The following BTBD9 variants were observed in gnomAD, a reference collection of about 807,000 sequenced individuals.
BTBD9 encodes BTB domain containing 9, also known as BTB/POZ domain-containing protein 9.
In BTBD9, 49 loss-of-function variants were observed where a neutral mutation model predicts 64.3. The observed-to-expected ratio is 0.76, with a 90% CI of 0.61 to 0.97. The LOEUF (loss-of-function observed/expected upper bound fraction) is 0.97. Among genes scored for constraint, BTBD9 ranks in the 50% least tolerant of loss-of-function variants. BTBD9 has a pLI of 0.00. For synonymous variants in BTBD9, 260 were observed against 274.7 expected, an observed-to-expected ratio of 0.95 and a Z score of 0.53; for missense variants, 598 against 762.1, an observed-to-expected ratio of 0.78 and a Z score of 2.53.
intron 7 of BTBD9, among the ~76,000 whole-genome samples, chr6:38,320,450 T>C (rs1231258052): frequency 6.6e-6 from 1 of 152,222 alleles, no homozygotes. Flanking sequence ...TAACTCTCTT[T>C]CCATCATATC....
At chr6:38,474,042 C>A (rs996409968) in intron 6 of BTBD9, among the ~76,000 whole-genome samples, 29 of 152,166 alleles carry the variant, frequency 1.9e-4, no homozygotes, top group African/African-American at 6.8e-4. Context: ...ATGGGCAGTA[C>A]AGTGGCCTTG....
At chr6:38,528,832 C>T (rs1394558129) in intron 6 of BTBD9, among the ~76,000 whole-genome samples, 2 of 152,160 alleles carry the variant, frequency 1.3e-5, no homozygotes, top group Non-Finnish European at 2.9e-5. Context: ...GTGCTGGCTT[C>T]AGGTGTGTGA....
At chr6:38,294,866 G>A (rs1238072715) in intron 7 of BTBD9, among the ~76,000 whole-genome samples, 1 of 149,214 alleles carries the variant, frequency 6.7e-6, no homozygotes, top group African/African-American at 2.5e-5. Flanking sequence ...TCAACTAATT[G>A]CTCCACATCC....
intron 6 of BTBD9, among the ~76,000 whole-genome samples, chr6:38,428,813 C>T (rs904933184): frequency 1.1e-4 from 16 of 150,856 alleles, no homozygotes; most frequent in African/African-American, 2.7e-4. Context: ...CCCGGATTCA[C>T]GCCATTCTCC....
At chr6:38,434,552 A>G (rs1448737560) in intron 6 of BTBD9, among the ~76,000 whole-genome samples, 3 of 151,878 alleles carry the variant, frequency 2.0e-5, no homozygotes, top group Non-Finnish European at 4.4e-5. Flanking sequence ...ATAAAAAACC[A>G]AACTGCACCT....
At chr6:38,470,331 T>C (rs1675546202) in intron 6 of BTBD9, among the ~76,000 whole-genome samples, 1 of 152,204 alleles carries the variant, frequency 6.6e-6, no homozygotes, top group Non-Finnish European at 1.5e-5. Context: ...CAGGCCTGTG[T>C]ATGCACTGGC....
chr6:38,416,670 G>C (rs964018117), intron 6 of BTBD9, among the ~76,000 whole-genome samples: 1 of 151,472 alleles, frequency 6.6e-6, no homozygotes, highest in Non-Finnish European at 1.5e-5. Context: ...ACATTGCCTG[G>C]AGCCACTCTC....
At chr6:38,513,717 G>T (rs755427722) in intron 6 of BTBD9, among the ~76,000 whole-genome samples, 1 of 152,124 alleles carries the variant, frequency 6.6e-6, no homozygotes, top group African/African-American at 2.4e-5. Context: ...CAGAGGTGGG[G>T]TAGACAAGCA....
At chr6:38,321,822 TACACACAC>T (rs3047757) in intron 7 of BTBD9, among the ~76,000 whole-genome samples, 1 of 149,798 alleles carries the variant, frequency 6.7e-6, no homozygotes, top group Non-Finnish European at 1.5e-5. Context: ...TCTTGTTTTA[TACACACAC>T]ACACACACAC....
chr6:38,479,790 G>A (rs531147317), intron 6 of BTBD9, among the ~76,000 whole-genome samples: 145 of 152,262 alleles, frequency 9.5e-4, no homozygotes, highest in Non-Finnish European at 1.6e-3. Context: ...GTGCAGTGGC[G>A]TGATCTCGGC....
chr6:38,516,907 C>A (rs1773053156), intron 6 of BTBD9, among the ~76,000 whole-genome samples: 1 of 152,232 alleles, frequency 6.6e-6, no homozygotes, highest in African/African-American at 2.4e-5. Flanking sequence ...CAACTCAACA[C>A]AATTTGCTCA....
intron 7 of BTBD9, among the ~76,000 whole-genome samples, chr6:38,312,276 GTTGT>G (rs371262411): frequency 1.9e-4 from 29 of 152,272 alleles, no homozygotes; most frequent in African/African-American, 5.8e-4. Context: ...TCCCTATAGA[GTTGT>G]TTGAGTTCCT....
intron 4 of BTBD9, among the ~76,000 whole-genome samples, chr6:38,582,733 C>A (rs1443467125): frequency 6.6e-6 from 1 of 152,190 alleles, no homozygotes; most frequent in Non-Finnish European, 1.5e-5. Context: ...CATTCACCCC[C>A]CTTGAGTAAG....
intron 6 of BTBD9, among the ~76,000 whole-genome samples, chr6:38,416,556 G>A (rs1476172736): frequency 6.7e-6 from 1 of 148,504 alleles, no homozygotes; most frequent in African/African-American, 2.5e-5. Flanking sequence ...TTGTTAGCCA[G>A]GATGGTCTCT....
chr6:38,473,380 T>C (rs1205868840), intron 6 of BTBD9, among the ~76,000 whole-genome samples: 2 of 152,360 alleles, frequency 1.3e-5, no homozygotes, highest in East Asian at 3.9e-4. Flanking sequence ...ATGCTGATTT[T>C]TTCCAATGGA....
At chr6:38,517,474 T>C (rs192572642) in intron 6 of BTBD9, among the ~76,000 whole-genome samples, 4 of 152,250 alleles carry the variant, frequency 2.6e-5, no homozygotes, top group Admixed American at 6.5e-5. Context: ...CTTCTCTTAG[T>C]TGGTGCCCCA....
At chr6:38,524,037 A>G (rs894165596) in intron 6 of BTBD9, among the ~76,000 whole-genome samples, 3 of 152,198 alleles carry the variant, frequency 2.0e-5, no homozygotes, top group Admixed American at 1.3e-4. Flanking sequence ...GGACATACTT[A>G]TGTCTTTTCT....
At chr6:38,496,900 AAGCTTAAGAG>A (rs1187478243) in intron 6 of BTBD9, among the ~76,000 whole-genome samples, 1 of 152,192 alleles carries the variant, frequency 6.6e-6, no homozygotes, top group East Asian at 1.9e-4. Flanking sequence ...AATGCCCTAA[AAGCTTAAGAG>A]AGCTGGTGGC....
At chr6:38,294,944 A>G (rs1003897592) in intron 7 of BTBD9, among the ~76,000 whole-genome samples, 1 of 151,268 alleles carries the variant, frequency 6.6e-6, no homozygotes, top group African/African-American at 2.4e-5. Context: ...TTAGCTTTTA[A>G]CTTTTTTGTT....
Sources: gnomAD v4.1 joint callset for allele counts (sites outside exome capture counted in the v4.1 genomes callset) on GRCh38, gnomAD v4.1.1 for gene constraint, MANE v1.5 for transcripts, NCBI Gene and HGNC (gene_info 2026-07-23, HGNC 2026-07-21) for gene names.